MS4A4A: variants seen among roughly 807,000 people sequenced by gnomAD.
MS4A4A encodes membrane-spanning 4-domains subfamily A member 4A.
A neutral mutation model predicts 28.0 loss-of-function variants in MS4A4A; 26 were observed. That is an observed-to-expected ratio of 0.93 (90% CI 0.68 to 1.29). The LOEUF is 1.29. MS4A4A is among the 50% of genes most tolerant of loss of function. The pLI is 0.00. For missense variants in MS4A4A, 290 were observed against 293.1 expected (o/e 0.99, Z 0.08); for synonymous variants, 86 against 100.8 (o/e 0.85, Z 0.88).
rs1223178517 is a variant in MS4A4A at position 60,308,907 on chromosome 11, A to G, written c.*729A>G. On this transcript the variant is annotated 3_prime_UTR_variant, in exon 7 of 7. Transcript: ENST00000337908. ...TTAATCATATATGGAAATGTGCAAC[A>G]TATGGTATTTGTTAAATACGTTTGT... The G allele has an allele frequency of 6.6e-6, 1 of 152,256 alleles. No individual in the cohort carries two copies. The highest frequency in any genetic ancestry group is 6.5e-5 in the Admixed American group (1 of 15,280). 9.4% of individuals were successfully genotyped at this position (152,256 alleles called of 1,614,324 possible). A position where few individuals can be genotyped will look rare whatever the true frequency, so the allele number is the denominator to read the frequency against.
In MS4A4A at chr11:60,291,802, A is replaced by C. The variant is rs529138325; in HGVS notation, c.42-423A>C. 1.3e-3 allele frequency among the ~76,000 whole-genome samples: 198 copies of C among 151,674 alleles called. 4 individuals are homozygous for C. Among genetic ancestry groups the C allele is most frequent in the South Asian group, 1.5e-3 (7 of 4,782 alleles). ...ACAGCGTGAGACTCCATCTCAAAAA[A>C]AAAAAACAAAAAAACAAAACTAAAA... is the stretch of plus-strand genomic sequence containing the variant. On this transcript the variant is annotated intron_variant, in intron 1 of 6. Transcript: ENST00000337908.
chr11:60,286,134 T>C (rs2084801749), intron 1 of MS4A4A, among the ~76,000 whole-genome samples: 1 of 152,222 alleles, frequency 6.6e-6, no homozygotes, highest in Non-Finnish European at 1.5e-5. Flanking sequence ...AAAATATGAC[T>C]TTGTTCTGCC....
chr11:60,292,540 T>C (rs187125070), intron 2 of MS4A4A, among the ~76,000 whole-genome samples, 156 bp downstream of exon 2: 85 of 152,342 alleles, frequency 5.6e-4, no homozygotes, highest in Non-Finnish European at 9.4e-4. Flanking sequence ...AAAAACTATA[T>C]AGTATTCTGT....
intron 2 of MS4A4A, chr11:60,296,989 T>C: frequency 1.8e-6 from 1 of 559,012 alleles, no homozygotes; most frequent in South Asian, 2.1e-5. Flanking sequence ...CTTGAAATTA[T>C]TGGCAATGAT....
chr11:60,295,235 A>G (rs921699698), intron 2 of MS4A4A, among the ~76,000 whole-genome samples: 3 of 151,800 alleles, frequency 2.0e-5, no homozygotes, highest in African/African-American at 7.3e-5. Flanking sequence ...TAAATATTTT[A>G]TTTTTAGAGG....
At chr11:60,283,745 G>A (rs1435148899) in intron 1 of MS4A4A, among the ~76,000 whole-genome samples, 1 of 152,154 alleles carries the variant, frequency 6.6e-6, no homozygotes, top group Non-Finnish European at 1.5e-5. Context: ...TGAGGATGTG[G>A]ATTAAATGTA....
At chr11:60,305,327 G>A (rs1416451635) in intron 5 of MS4A4A, among the ~76,000 whole-genome samples, 1 of 152,208 alleles carries the variant, frequency 6.6e-6, no homozygotes, top group Non-Finnish European at 1.5e-5. Flanking sequence ...TTATGTTTCT[G>A]GAGGTTAGAA....
chr11:60,294,793 T>C (rs1368168335), intron 2 of MS4A4A, among the ~76,000 whole-genome samples: 5 of 152,056 alleles, frequency 3.3e-5, no homozygotes, highest in African/African-American at 1.2e-4. Context: ...CTCTATTCCA[T>C]TATCTATTTG....
At chr11:60,291,361 A>G (rs1450217475) in intron 1 of MS4A4A, among the ~76,000 whole-genome samples, 1 of 152,224 alleles carries the variant, frequency 6.6e-6, no homozygotes, top group Non-Finnish European at 1.5e-5. Flanking sequence ...ACAAGGTTAC[A>G]TAAATCACAC....
intron 1 of MS4A4A, among the ~76,000 whole-genome samples, chr11:60,283,076 T>G (rs915633634): frequency 2.0e-5 from 3 of 151,972 alleles, no homozygotes; most frequent in Admixed American, 1.3e-4. Flanking sequence ...GGGTAGGCAA[T>G]GGAAGGAACC....
At chr11:60,303,765 C>G (rs2084973632) in intron 5 of MS4A4A, among the ~76,000 whole-genome samples, 1 of 152,130 alleles carries the variant, frequency 6.6e-6, no homozygotes, top group African/African-American at 2.4e-5. Context: ...TTGTTACTTT[C>G]CCTCTATATG....
chr11:60,306,398 T>C (rs1404015073), intron 6 of MS4A4A, among the ~76,000 whole-genome samples, 197 bp downstream of exon 6: 2 of 152,194 alleles, frequency 1.3e-5, no homozygotes, highest in Non-Finnish European at 2.9e-5. Context: ...GCTGGGGCTG[T>C]GGCCTTGCTT....
intron 1 of MS4A4A, among the ~76,000 whole-genome samples, chr11:60,291,599 A>G (rs2084856188): frequency 6.6e-6 from 1 of 152,000 alleles, no homozygotes; most frequent in Non-Finnish European, 1.5e-5. Context: ...GGAGATGGAG[A>G]CCATACTGGC....
chr11:60,299,066 T>G (rs12146430), intron 3 of MS4A4A, among the ~76,000 whole-genome samples: 3,894 of 152,296 alleles, frequency 0.026, 77 homozygotes, highest in Middle Eastern at 0.048. Flanking sequence ...CTGTGGCAAA[T>G]GAAGTCCTCT....
At chr11:60,288,353 T>A (rs2135013909) in intron 1 of MS4A4A, among the ~76,000 whole-genome samples, 1 of 152,316 alleles carries the variant, frequency 6.6e-6, no homozygotes, top group African/African-American at 2.4e-5. Flanking sequence ...GGTCTTAGGC[T>A]CAGAGTCTTG....
At chr11:60,293,292 G>A (rs1317673014) in intron 2 of MS4A4A, among the ~76,000 whole-genome samples, 4 of 152,088 alleles carry the variant, frequency 2.6e-5, no homozygotes, top group East Asian at 1.9e-4. Flanking sequence ...TCCTGACCTC[G>A]TGATCTGCCT....
At chr11:60,305,348 G>A (rs1368098873) in intron 5 of MS4A4A, among the ~76,000 whole-genome samples, 2 of 152,296 alleles carry the variant, frequency 1.3e-5, no homozygotes, top group Middle Eastern at 3.4e-3. Context: ...GTTCCAAGTG[G>A]GTCTCACTAG....
At chr11:60,286,773 T>C (rs1337011863) in intron 1 of MS4A4A, among the ~76,000 whole-genome samples, 1 of 152,218 alleles carries the variant, frequency 6.6e-6, no homozygotes, top group Admixed American at 6.5e-5. Flanking sequence ...TTCTTAAGGC[T>C]AAAGTGAGTC....
At chr11:60,293,368 G>C (rs542147043) in intron 2 of MS4A4A, among the ~76,000 whole-genome samples, 24 of 152,156 alleles carry the variant, frequency 1.6e-4, no homozygotes, top group Non-Finnish European at 3.2e-4. Flanking sequence ...TATACTGTAT[G>C]TTTTAGAGCA....
Sources: allele counts gnomAD v4.1 joint callset (sites outside exome capture counted in the v4.1 genomes callset), GRCh38; gene constraint gnomAD v4.1.1; transcripts MANE v1.5; gene names NCBI Gene and HGNC (gene_info 2026-07-23, HGNC 2026-07-21).